Variants in CTCF observed in about 807,000 individuals in gnomAD.
CTCF encodes the protein transcriptional repressor CTCF.
Under a neutral mutation model 72.3 loss-of-function variants are expected in CTCF, and 7 were observed. That is an observed-to-expected ratio of 0.10 (90% CI 0.06 to 0.18). The LOEUF is 0.18. CTCF is among the 10% of genes least tolerant of loss of function. The probability of loss-of-function intolerance (pLI) is 1.00; values close to 1 mark genes in which losing one functional copy is unlikely to be tolerated. For synonymous variants in CTCF, 374 were observed against 315.8 expected (o/e 1.18, Z -1.95); for missense variants, 516 against 949.1 (o/e 0.54, Z 6.00).
Position 67,574,381 on chromosome 16 carries a change from G to A in CTCF, c.-10+3117G>A, listed in dbSNP as rs143673855. 3.3e-5 allele frequency among the ~76,000 whole-genome samples: 5 copies of A among 152,140 alleles called. No homozygotes were observed. In the East Asian group the frequency reaches 5.8e-4, roughly 18 times the overall value. On this transcript the variant is annotated intron_variant, in intron 2 of 11. Coordinates refer to ENST00000264010, the MANE Select transcript of CTCF (RefSeq NM_006565.4). Reference sequence around the variant, plus strand: ...ATTTTTGAGACAATCTCACTGTGTCGCCCAGGCTGGAGTGCAGTGGCGTGA... The same window carrying A: ...ATTTTTGAGACAATCTCACTGTGTCACCCAGGCTGGAGTGCAGTGGCGTGA...
intron 2 of CTCF, among the ~76,000 whole-genome samples, chr16:67,602,867 G>T (rs1008259342): frequency 0.014 from 2,054 of 146,450 alleles, 17 homozygotes; most frequent in Non-Finnish European, 0.023. Context: ...AAAAAGAGAA[G>T]AAAATCTTAA....
intron 2 of CTCF, among the ~76,000 whole-genome samples, chr16:67,609,437 TATC>T (rs760011209): frequency 6.6e-6 from 1 of 152,218 alleles, no homozygotes; most frequent in Non-Finnish European, 1.5e-5. Context: ...AATTCTTTAA[TATC>T]ATCAGATATC....
chr16:67,589,855 G>C (rs770535346), intron 2 of CTCF, among the ~76,000 whole-genome samples: 1 of 152,172 alleles, frequency 6.6e-6, no homozygotes, highest in Non-Finnish European at 1.5e-5. Context: ...GGGAGACCAA[G>C]ATGGCTGGAT....
chr16:67,633,342 C>T (rs2052388351), intron 10 of CTCF, among the ~76,000 whole-genome samples: 1 of 152,132 alleles, frequency 6.6e-6, no homozygotes, highest in South Asian at 2.1e-4. Context: ...TCCCAGGTCA[C>T]GTACCTAGTA....
In CTCF at chr16:67,638,421, C is replaced by T. The variant is rs1597734878; in HGVS notation, c.*549C>T. On this transcript the variant is annotated 3_prime_UTR_variant, in exon 12 of 12. Coordinates refer to ENST00000264010, the MANE Select transcript of CTCF (RefSeq NM_006565.4). Reference sequence around the variant, plus strand: ...TGGCAAAGTTTCTGGTATGGTCAAGCTTGTAAATAACTTTTTTTACATTTT... The same window carrying T: ...TGGCAAAGTTTCTGGTATGGTCAAGTTTGTAAATAACTTTTTTTACATTTT... 1 of 225,074 alleles carries T rather than the reference C, an allele frequency of 4.4e-6. No homozygotes were observed. Among genetic ancestry groups the T allele is most frequent in the African/African-American group, 2.2e-5 (1 of 44,876 alleles). The allele number at this position is 225,074 out of a possible 1,614,324, so 13.9% of individuals were successfully genotyped here.
intron 10 of CTCF, 121 bp from the exon 11 acceptor site, chr16:67,636,569 G>GTATATATATATATATATATATATATA (rs66893507): frequency 4.3e-6 from 1 of 234,554 alleles, no homozygotes; most frequent in African/African-American, 2.6e-5. Flanking sequence ...GAAAGAAAGT[G>GTATATATATATATATATATATATATA]TATATATATA....
rs532401522 is a variant in CTCF, at chr16:67,589,581, A to G, written c.-10+18317A>G. The stretch of plus-strand genomic sequence containing the variant: ...CCGTTGTTACAGTACTCATCACACT[A>G]TATAGCTGCTATTTGTTTTTCTTTC... On this transcript the variant is annotated intron_variant, in intron 2 of 11. Coordinates refer to ENST00000264010, the MANE Select transcript of CTCF (RefSeq NM_006565.4). Among the ~76,000 whole-genome samples the G allele has an allele frequency of 3.9e-5, 6 of 152,254 alleles. No homozygotes were observed. The South Asian group carries it at 6.2e-4, about 16-fold the overall frequency.
At chr16:67,606,765 T>G (rs1476483873) in intron 2 of CTCF, among the ~76,000 whole-genome samples, 1 of 149,532 alleles carries the variant, frequency 6.7e-6, no homozygotes, top group Admixed American at 6.6e-5. Flanking sequence ...GGTTTTTTTT[T>G]TTTTTTTTTT....
intron 2 of CTCF, chr16:67,572,425 A>G (rs906612645): frequency 2.0e-5 from 3 of 152,228 alleles, no homozygotes; most frequent in African/African-American, 7.2e-5. Context: ...TTCAAGTGTT[A>G]TGACTAGCTT....
At chr16:67,593,868 T>C (rs1476684284) in intron 2 of CTCF, among the ~76,000 whole-genome samples, 1 of 152,192 alleles carries the variant, frequency 6.6e-6, no homozygotes, top group African/African-American at 2.4e-5. Context: ...TTATTCCTAG[T>C]ATAATAACCA....
At position 67,621,597 on chromosome 16, in the gene CTCF, TA is replaced by T; in HGVS notation, c.1357+7del. 1 of 1,586,546 alleles carries T rather than the reference TA, an allele frequency of 6.3e-7. No individual in the cohort carries two copies. The highest frequency in any genetic ancestry group is 8.6e-7 in the Non-Finnish European group (1 of 1,157,542). Reference sequence around the variant, plus strand: ...AGCCCGAAAAAGTGATTTGGGTAAGTAGATTAACTAGTGAGAAGTGAAAAAA... The same window carrying T: ...AGCCCGAAAAAGTGATTTGGGTAAGTGATTAACTAGTGAGAAGTGAAAAAA... On this transcript the variant is annotated splice_region_variant and intron_variant, in intron 7 of 11. Coordinates refer to ENST00000264010, the MANE Select transcript of CTCF (RefSeq NM_006565.4).
At chr16:67,634,122 A>AT (rs1263316506) in intron 10 of CTCF, among the ~76,000 whole-genome samples, 1 of 152,234 alleles carries the variant, frequency 6.6e-6, no homozygotes. Flanking sequence ...TTTATTTATT[A>AT]TTTTTTGGAA....
At chr16:67,585,857 G>A (rs1475945480) in intron 2 of CTCF, among the ~76,000 whole-genome samples, 1 of 151,920 alleles carries the variant, frequency 6.6e-6, no homozygotes, top group Non-Finnish European at 1.5e-5. Flanking sequence ...TAAAATAATA[G>A]TGACTCTTGG....
At chr16:67,590,711 C>T (rs939255898) in intron 2 of CTCF, among the ~76,000 whole-genome samples, 8 of 151,712 alleles carry the variant, frequency 5.3e-5, no homozygotes, top group Admixed American at 1.3e-4. Flanking sequence ...AATCCTAGCA[C>T]TTTGGGAGGC....
chr16:67,579,519 C>T lies in CTCF; in HGVS notation c.-10+8255C>T, dbSNP rs749864930. The stretch of plus-strand genomic sequence containing the variant: ...GATTATGGGCACATGCCACCATGCC[C>T]GGCTAATTTTTGTATTTTTAGTAGA... On this transcript the variant is annotated intron_variant, in intron 2 of 11. Transcript: ENST00000264010. Among the ~76,000 whole-genome samples the T allele has an allele frequency of 1.7e-4, 26 of 151,906 alleles. No homozygotes were observed. In the South Asian group the frequency reaches 2.1e-3, roughly 12 times the overall value.
At chr16:67,618,652 C>G (rs1444590706) in intron 5 of CTCF, among the ~76,000 whole-genome samples, 1 of 151,996 alleles carries the variant, frequency 6.6e-6, no homozygotes, top group Non-Finnish European at 1.5e-5. Context: ...AGTATCAGAA[C>G]AAAAACTTAG....
intron 2 of CTCF, among the ~76,000 whole-genome samples, chr16:67,579,610 C>T (rs543282746): frequency 5.3e-5 from 8 of 152,154 alleles, no homozygotes; most frequent in Non-Finnish European, 1.0e-4. Context: ...CCACCTGCCT[C>T]GGCCTCCCAA....
At chr16:67,600,330 C>G (rs1461514204) in intron 2 of CTCF, among the ~76,000 whole-genome samples, 1 of 151,950 alleles carries the variant, frequency 6.6e-6, no homozygotes, top group Non-Finnish European at 1.5e-5. Flanking sequence ...CCTCTGTGTC[C>G]TAGGCTCAAA....
At chr16:67,572,639 C>G (rs2051438010) in intron 2 of CTCF, 1 of 152,136 alleles carries the variant, frequency 6.6e-6, no homozygotes, top group Non-Finnish European at 1.5e-5. Context: ...GGCACGGTAG[C>G]TCACACCCAG....
Sources: gnomAD v4.1 joint callset for allele counts (sites outside exome capture counted in the v4.1 genomes callset) on GRCh38, gnomAD v4.1.1 for gene constraint, MANE v1.5 for transcripts, NCBI Gene and HGNC (gene_info 2026-07-23, HGNC 2026-07-21) for gene names.